CCSER1: variants seen among roughly 807,000 people sequenced by gnomAD.
CCSER1 encodes the protein serine-rich coiled-coil domain-containing protein 1.
In CCSER1, 41 loss-of-function variants were observed where a neutral mutation model predicts 82.0. That is an observed-to-expected ratio of 0.50 (90% CI 0.39 to 0.65). The LOEUF (loss-of-function observed/expected upper bound fraction) is 0.65, where lower values mean the gene tolerates loss of function less well. Ranked by LOEUF, CCSER1 falls within the 30% of genes least tolerant of loss-of-function variation. The probability of loss-of-function intolerance (pLI) is 0.00; values close to 1 mark genes in which losing one functional copy is unlikely to be tolerated. For missense variants in CCSER1, 1,119 were observed against 1,064.2 expected, an observed-to-expected ratio of 1.05 and a Z score of -0.72; for synonymous variants, 414 against 383.9, an observed-to-expected ratio of 1.08 and a Z score of -0.92.
chr4:91,575,838 A>T (rs1763426507), intron 10 of CCSER1, among the ~76,000 whole-genome samples: 1 of 152,008 alleles, frequency 6.6e-6, no homozygotes, highest in African/African-American at 2.4e-5. Flanking sequence ...ATTATAAAAA[A>T]GACAAAATAT....
chr4:90,890,020 G>A (rs1395347932), intron 8 of CCSER1, among the ~76,000 whole-genome samples: 1 of 152,006 alleles, frequency 6.6e-6, no homozygotes, highest in Non-Finnish European at 1.5e-5. Context: ...AAACTCTGTT[G>A]AATCACAATT....
chr4:90,538,958 T>A (rs1775760588), intron 5 of CCSER1, among the ~76,000 whole-genome samples: 2 of 152,088 alleles, frequency 1.3e-5, no homozygotes, highest in Admixed American at 1.3e-4. Context: ...AAAAAAATTA[T>A]CTTGCATAAA....
At chr4:91,010,596 CTT>C (rs758875259) in intron 9 of CCSER1, among the ~76,000 whole-genome samples, 1 of 134,592 alleles carries the variant, frequency 7.4e-6, no homozygotes, top group Non-Finnish European at 1.7e-5. Flanking sequence ...TGTCTTAATT[CTT>C]TTTCATTCTT....
At chr4:90,669,134 A>C (rs1412331793) in intron 6 of CCSER1, among the ~76,000 whole-genome samples, 1 of 152,052 alleles carries the variant, frequency 6.6e-6, no homozygotes, top group East Asian at 1.9e-4. Flanking sequence ...CCAATAATGA[A>C]TATTTTAGAA....
intron 10 of CCSER1, among the ~76,000 whole-genome samples, chr4:91,190,838 T>A (rs1734932940): frequency 6.6e-6 from 1 of 152,214 alleles, no homozygotes; most frequent in South Asian, 2.1e-4. Context: ...CTTATTATTT[T>A]ATCCTTAAAA....
At chr4:90,708,604 C>A (rs1217382164) in intron 6 of CCSER1, among the ~76,000 whole-genome samples, 1 of 152,106 alleles carries the variant, frequency 6.6e-6, no homozygotes, top group Admixed American at 6.6e-5. Context: ...TCAACATAGT[C>A]ACTTAGGTCA....
chr4:90,549,254 T>A (rs909998592), intron 5 of CCSER1, among the ~76,000 whole-genome samples: 9 of 152,186 alleles, frequency 5.9e-5, no homozygotes, highest in Non-Finnish European at 1.2e-4. Context: ...ATGAGAACAT[T>A]TCATTCACTT....
chr4:91,237,440 C>A (rs966885171), intron 10 of CCSER1, among the ~76,000 whole-genome samples: 1 of 151,270 alleles, frequency 6.6e-6, no homozygotes, highest in Non-Finnish European at 1.5e-5. Flanking sequence ...GGTTTACTCA[C>A]CCCCATGCAA....
At chr4:91,081,761 C>T (rs532193529) in intron 9 of CCSER1, among the ~76,000 whole-genome samples, 41 of 152,110 alleles carry the variant, frequency 2.7e-4, no homozygotes, top group Non-Finnish European at 5.3e-4. Context: ...CATTCTTATA[C>T]ACCAATAACA....
At chr4:90,349,800 G>A (rs1411489952) in intron 3 of CCSER1, among the ~76,000 whole-genome samples, 4 of 151,992 alleles carry the variant, frequency 2.6e-5, no homozygotes, top group Non-Finnish European at 4.4e-5. Context: ...GCACTGTCAC[G>A]TATAACCACA....
At chr4:91,571,322 C>A (rs1248778083) in intron 10 of CCSER1, among the ~76,000 whole-genome samples, 1 of 152,182 alleles carries the variant, frequency 6.6e-6, no homozygotes, top group Non-Finnish European at 1.5e-5. Flanking sequence ...GTTGCTTCCA[C>A]AATTTTTGGT....
chr4:90,377,697 A>G (rs1748571969), intron 3 of CCSER1, among the ~76,000 whole-genome samples: 1 of 152,136 alleles, frequency 6.6e-6, no homozygotes, highest in African/African-American at 2.4e-5. Context: ...TCTCATGAAT[A>G]TTATGTTTTA....
chr4:90,533,098 T>G (rs1774811487), intron 5 of CCSER1, among the ~76,000 whole-genome samples: 1 of 142,696 alleles, frequency 7.0e-6, no homozygotes, highest in Non-Finnish European at 1.5e-5. Context: ...TTTTTTTTTT[T>G]TTTTTTTTTT....
chr4:90,155,879 C>A (rs1259581725), intron 1 of CCSER1, among the ~76,000 whole-genome samples: 1 of 151,408 alleles, frequency 6.6e-6, no homozygotes, highest in African/African-American at 2.4e-5. Flanking sequence ...TCCTTCAGTT[C>A]TGCTCTGATT....
intron 10 of CCSER1, among the ~76,000 whole-genome samples, chr4:91,242,455 A>T (rs1739447003): frequency 6.6e-6 from 1 of 152,236 alleles, no homozygotes; most frequent in Admixed American, 6.5e-5. Context: ...ATTGTGTTAT[A>T]GTGTTCTGCA....
intron 7 of CCSER1, among the ~76,000 whole-genome samples, chr4:90,752,163 A>C (rs1261008493): frequency 2.0e-5 from 3 of 152,256 alleles, no homozygotes; most frequent in African/African-American, 7.2e-5. Flanking sequence ...GAGTTAAGCT[A>C]GGCATTTTCA....
At chr4:90,424,551 C>T (rs1407527903) in intron 4 of CCSER1, among the ~76,000 whole-genome samples, 1 of 151,888 alleles carries the variant, frequency 6.6e-6, no homozygotes, top group African/African-American at 2.4e-5. Flanking sequence ...TTGTCCAATC[C>T]CTACTTACTA....
At chr4:91,440,236 A>G (rs7678644) in intron 10 of CCSER1, among the ~76,000 whole-genome samples, 122,657 of 151,970 alleles carry the variant, frequency 0.81, 49,746 homozygotes, top group East Asian at 0.92. Flanking sequence ...CTCAGCAAAC[A>G]TAAAAGAACA....
rs576593422 is a variant in CCSER1 at position 90,227,962 on chromosome 4, G to C, written c.-41-80282G>C. On this transcript the variant is annotated intron_variant, in intron 1 of 10. Transcript: ENST00000509176. Reference sequence around the variant, plus strand: ...GGAGATTATATCCCGCACCTGGCTCGGAGGGTCCTACGCCCATGGAGTCTC... The same window carrying C: ...GGAGATTATATCCCGCACCTGGCTCCGAGGGTCCTACGCCCATGGAGTCTC... Among the ~76,000 whole-genome samples, 5 of 152,264 alleles carry C rather than the reference G, an allele frequency of 3.3e-5. No homozygotes were observed. The South Asian group carries it at 1.0e-3, about 32-fold the overall frequency.
Sources: allele counts gnomAD v4.1 joint callset (sites outside exome capture counted in the v4.1 genomes callset), GRCh38; gene constraint gnomAD v4.1.1; transcripts MANE v1.5; gene names NCBI Gene and HGNC (gene_info 2026-07-23, HGNC 2026-07-21).